The following IQCM variants were observed in gnomAD, a reference collection of about 807,000 sequenced individuals.
IQCM encodes the protein IQ motif containing M.
Under a neutral mutation model 57.6 loss-of-function variants are expected in IQCM, and 45 were observed. The observed-to-expected ratio is 0.78, with a 90% CI of 0.62 to 1.00. The LOEUF is 1.00. Ranked by LOEUF, IQCM falls within the 50% of genes least tolerant of loss-of-function variation. The pLI is 0.00. For synonymous variants in IQCM, 148 were observed against 158.9 expected, an observed-to-expected ratio of 0.93 and a Z score of 0.51; for missense variants, 468 against 511.6, an observed-to-expected ratio of 0.91 and a Z score of 0.82.
intron 2 of IQCM, among the ~76,000 whole-genome samples, chr4:149,760,981 A>G (rs1769449797): frequency 6.6e-6 from 1 of 152,138 alleles, no homozygotes; most frequent in Non-Finnish European, 1.5e-5. Context: ...AGAATATGTC[A>G]AAGAAAATAT....
At chr4:149,389,384 T>A (rs571791636) in intron 13 of IQCM, among the ~76,000 whole-genome samples, 3 of 152,160 alleles carry the variant, frequency 2.0e-5, no homozygotes, top group South Asian at 2.1e-4. Context: ...TTGATTACAA[T>A]GCTGCTATAA....
chr4:149,573,852 T>C (rs1316838806), intron 9 of IQCM, among the ~76,000 whole-genome samples: 2 of 151,996 alleles, frequency 1.3e-5, no homozygotes, highest in Non-Finnish European at 2.9e-5. Flanking sequence ...AATTTATAAG[T>C]AGTACAGCCA....
chr4:149,484,009 G>T (rs913052640), intron 12 of IQCM, among the ~76,000 whole-genome samples: 1 of 151,810 alleles, frequency 6.6e-6, no homozygotes, highest in African/African-American at 2.4e-5. Flanking sequence ...TAATTCCTTT[G>T]TCATAATGTA....
intron 7 of IQCM, among the ~76,000 whole-genome samples, chr4:149,625,519 C>T (rs1756715683): frequency 6.6e-6 from 1 of 152,166 alleles, no homozygotes; most frequent in South Asian, 2.1e-4. Flanking sequence ...TCAGGGAGAA[C>T]TGCATTTTTT....
At chr4:149,783,165 A>G (rs569228181) in intron 2 of IQCM, among the ~76,000 whole-genome samples, 1 of 152,314 alleles carries the variant, frequency 6.6e-6, no homozygotes, top group Non-Finnish European at 1.5e-5. Context: ...GCATTTCCTA[A>G]CTTAACAAGT....
At chr4:149,500,865 C>T (rs1743168892) in intron 12 of IQCM, among the ~76,000 whole-genome samples, 1 of 152,108 alleles carries the variant, frequency 6.6e-6, no homozygotes, top group Admixed American at 6.6e-5. Flanking sequence ...AGCAAAATCA[C>T]ATGATATTTT....
intron 12 of IQCM, among the ~76,000 whole-genome samples, chr4:149,534,411 C>T (rs750478661): frequency 6.6e-6 from 1 of 152,090 alleles, no homozygotes; most frequent in Non-Finnish European, 1.5e-5. Context: ...GATGCACATG[C>T]TATGCAAATA....
chr4:149,547,224 C>A (rs566416239), intron 12 of IQCM, among the ~76,000 whole-genome samples: 2 of 152,032 alleles, frequency 1.3e-5, no homozygotes, highest in Non-Finnish European at 2.9e-5. Flanking sequence ...GTTACTGTAG[C>A]CTTGTAGCAT....
intron 7 of IQCM, among the ~76,000 whole-genome samples, chr4:149,627,074 C>T (rs1037087914): frequency 2.6e-5 from 4 of 152,288 alleles, no homozygotes; most frequent in African/African-American, 9.6e-5. Context: ...AAGAAAGCAG[C>T]CCTGGCTTCA....
intron 7 of IQCM, among the ~76,000 whole-genome samples, chr4:149,631,610 C>A (rs554852089): frequency 1.3e-3 from 201 of 152,142 alleles, no homozygotes; most frequent in African/African-American, 4.5e-3. Flanking sequence ...CCAAAAAAAT[C>A]CATAAACCAA....
chr4:149,622,778 G>A (rs914663326), intron 7 of IQCM, among the ~76,000 whole-genome samples: 3 of 152,026 alleles, frequency 2.0e-5, no homozygotes, highest in Non-Finnish European at 4.4e-5. Context: ...CCCTCTTAAC[G>A]AATTCAAAGA....
intron 5 of IQCM, among the ~76,000 whole-genome samples, chr4:149,687,419 A>G (rs1298910414): frequency 6.6e-6 from 1 of 151,568 alleles, no homozygotes; most frequent in Admixed American, 6.6e-5. Context: ...AAAATACAAT[A>G]CAATAAAAAT....
intron 7 of IQCM, among the ~76,000 whole-genome samples, chr4:149,675,119 G>A (rs1761640144): frequency 6.6e-6 from 1 of 152,014 alleles, no homozygotes; most frequent in Admixed American, 6.6e-5. Flanking sequence ...GAGTAGAAAA[G>A]TGAATGGATT....
At chr4:149,668,735 A>G (rs1488274896) in intron 7 of IQCM, among the ~76,000 whole-genome samples, 1 of 152,220 alleles carries the variant, frequency 6.6e-6, no homozygotes, top group Non-Finnish European at 1.5e-5. Context: ...GACTTCAAAG[A>G]AAGTGTTTGG....
At chr4:149,543,316 A>G (rs1748041729) in intron 12 of IQCM, among the ~76,000 whole-genome samples, 3 of 152,158 alleles carry the variant, frequency 2.0e-5, no homozygotes, top group Admixed American at 2.0e-4. Context: ...TATTCAAACT[A>G]TATGTGGAAA....
intron 7 of IQCM, among the ~76,000 whole-genome samples, chr4:149,673,311 A>T (rs1761467822): frequency 6.6e-6 from 1 of 152,120 alleles, no homozygotes; most frequent in African/African-American, 2.4e-5. Context: ...TGCTCCAATT[A>T]AAAGACACAG....
chr4:149,788,782 G>A (rs2150024899), intron 2 of IQCM, among the ~76,000 whole-genome samples: 1 of 152,180 alleles, frequency 6.6e-6, no homozygotes, highest in Non-Finnish European at 1.5e-5. Flanking sequence ...AATAAAATGT[G>A]GTATATATAC....
At chr4:149,589,901 A>G (rs909990448) in intron 8 of IQCM, among the ~76,000 whole-genome samples, 9 of 152,080 alleles carry the variant, frequency 5.9e-5, no homozygotes, top group African/African-American at 2.2e-4. Flanking sequence ...TAATGGCCAG[A>G]AAAAAATTGT....
In IQCM at chr4:149,416,380, C is replaced by T. The variant is rs557744096; in HGVS notation, c.1390+17016G>A. On this transcript the variant is annotated intron_variant, in intron 13 of 13. Coordinates refer to ENST00000636793, the MANE Select transcript of IQCM (RefSeq NM_001363507.2). ...ACATGGTCTCTATAAATTAGAAGTCCGCATTCATTTGTTTAAATAAAAGGT... is the reference window on the plus strand; with the variant it reads ...ACATGGTCTCTATAAATTAGAAGTCTGCATTCATTTGTTTAAATAAAAGGT... Among the ~76,000 whole-genome samples, 11 of 151,876 alleles carry T rather than the reference C, an allele frequency of 7.2e-5. No individual in the cohort carries two copies. In the Middle Eastern group the frequency reaches 0.014, roughly 188 times the overall value.
Sources: gnomAD v4.1 joint callset for allele counts (sites outside exome capture counted in the v4.1 genomes callset) on GRCh38, gnomAD v4.1.1 for gene constraint, MANE v1.5 for transcripts, NCBI Gene and HGNC (gene_info 2026-07-23, HGNC 2026-07-21) for gene names.